The following TMEM230 variants were observed in gnomAD, a reference collection of about 807,000 sequenced individuals.
The protein encoded by TMEM230 is UPF0414 transmembrane protein C20orf30.
Under a neutral mutation model 15.8 loss-of-function variants are expected in TMEM230, and 10 were observed. The ratio of observed to expected loss-of-function variants is 0.63; its 90% CI spans 0.39 to 1.07. The LOEUF (loss-of-function observed/expected upper bound fraction) is 1.07. Among genes scored for constraint, TMEM230 ranks in the 50% least tolerant of loss-of-function variants. TMEM230 has a pLI of 0.01. For missense variants in TMEM230, 165 were observed against 193.3 expected, an observed-to-expected ratio of 0.85 and a Z score of 0.87; for synonymous variants, 67 against 76.9, an observed-to-expected ratio of 0.87 and a Z score of 0.68.
chr20:5,078,376 A>G (rs1199833459), intron 3 of TMEM230, among the ~76,000 whole-genome samples: 2 of 152,330 alleles, frequency 1.3e-5, no homozygotes, highest in East Asian at 3.9e-4. Context: ...CCTCTTTGGA[A>G]GCACAGATAC....
intron 3 of TMEM230, among the ~76,000 whole-genome samples, chr20:5,090,608 T>C (rs2089480720): frequency 6.6e-6 from 1 of 152,088 alleles, no homozygotes; most frequent in African/African-American, 2.4e-5. Flanking sequence ...CAAATAAACA[T>C]GATTATTAAC....
chr20:5,104,498 A>G (rs1174354688), intron 4 of TMEM230, among the ~76,000 whole-genome samples: 1 of 152,258 alleles, frequency 6.6e-6, no homozygotes, highest in Admixed American at 6.5e-5. Flanking sequence ...GAACTACCAT[A>G]TGATCCAGCA....
At chr20:5,109,494 T>A in intron 2 of TMEM230, 49 bp from the exon 2 acceptor site, 2 of 1,387,890 alleles carry the variant, frequency 1.4e-6, no homozygotes, top group Non-Finnish European at 2.0e-6. Flanking sequence ...ATGACAATGG[T>A]GCATTATAGC....
chr20:5,066,964 T>C (rs1469910170), downstream of TMEM230, among the ~76,000 whole-genome samples: 1 of 152,150 alleles, frequency 6.6e-6, no homozygotes, highest in Non-Finnish European at 1.5e-5. Flanking sequence ...GAAGCAATAT[T>C]CCACCGTCTT....
At chr20:5,066,881 G>T (rs2088662793), downstream of TMEM230, among the ~76,000 whole-genome samples, 1 of 151,878 alleles carries the variant, frequency 6.6e-6, no homozygotes, top group African/African-American at 2.4e-5. Flanking sequence ...CCACCCCTGG[G>T]GTCCTCAGCT....
At chr20:5,083,285 ATTTTTT>A (rs71197748) in intron 3 of TMEM230, among the ~76,000 whole-genome samples, 31 of 119,930 alleles carry the variant, frequency 2.6e-4, no homozygotes, top group Admixed American at 3.5e-4. Context: ...GGTTAGGGAG[ATTTTTT>A]TTTTTTTTTT....
chr20:5,108,647 C>T (rs1287589658), intron 3 of TMEM230, among the ~76,000 whole-genome samples: 1 of 152,068 alleles, frequency 6.6e-6, no homozygotes. Context: ...AATGTGGGTC[C>T]AAAGAGTAAT....
intron 3 of TMEM230, among the ~76,000 whole-genome samples, chr20:5,088,608 G>A (rs1336676246): frequency 1.3e-5 from 2 of 152,022 alleles, no homozygotes; most frequent in South Asian, 2.1e-4. Context: ...CACCTCCTGG[G>A]CTCAAGGATC....
intron 3 of TMEM230, among the ~76,000 whole-genome samples, chr20:5,072,466 G>A (rs759727080): frequency 3.7e-4 from 56 of 152,094 alleles, no homozygotes; most frequent in Non-Finnish European, 6.5e-4. Context: ...AACTCTCCCC[G>A]GCATCTTTCT....
chr20:5,099,192 A>C (rs1167096566), downstream of TMEM230, among the ~76,000 whole-genome samples: 2 of 54,962 alleles, frequency 3.6e-5, no homozygotes, highest in Non-Finnish European at 6.3e-5. Context: ...CTCTGTCTCA[A>C]AATAAATAAA....
chr20:5,060,155 T>A, the TMEM230 span, among the ~76,000 whole-genome samples: 15 of 151,836 alleles, frequency 9.9e-5, no homozygotes, highest in Non-Finnish European at 1.3e-4. Flanking sequence ...CAAACAATCC[T>A]CCCGCCTTGG....
At chr20:5,087,280 C>T (rs2089369195) in intron 3 of TMEM230, among the ~76,000 whole-genome samples, 1 of 152,138 alleles carries the variant, frequency 6.6e-6, no homozygotes, top group Admixed American at 6.5e-5. Flanking sequence ...CAACATGTAG[C>T]TGTTTCCCTC....
chr20:5,083,858 C>T (rs986270727), intron 3 of TMEM230, among the ~76,000 whole-genome samples: 3 of 152,082 alleles, frequency 2.0e-5, no homozygotes, highest in African/African-American at 7.3e-5. Context: ...ATCTTTTTCT[C>T]TCTCTTTTAT....
chr20:5,103,359 G>A (rs2089946205), intron 4 of TMEM230, among the ~76,000 whole-genome samples: 2 of 152,146 alleles, frequency 1.3e-5, no homozygotes, highest in African/African-American at 4.8e-5. Context: ...AGCTACTTGG[G>A]AAGCTGAGGT....
In TMEM230 at chr20:5,100,292, A is replaced by G. The variant is rs2089801683; in HGVS notation, c.*499T>C. The G allele has an allele frequency of 4.1e-6, 4 of 985,528 alleles. No individual in the cohort carries two copies. The highest frequency in any genetic ancestry group is 4.8e-6 in the Non-Finnish European group (4 of 830,006). The allele number at this position is 985,528 out of a possible 1,614,324, so 61.0% of individuals were successfully genotyped here. A position where few individuals can be genotyped will look rare whatever the true frequency, so the allele number is the denominator to read the frequency against. On this transcript the variant is annotated 3_prime_UTR_variant, in exon 5 of 5. Transcript: ENST00000342308. Reference sequence around the variant, plus strand: ...GCTGTCAGTAAGAAAGCAAGTAAAAAAAATATTACAGATGAACTCACTGAT... The same window carrying G: ...GCTGTCAGTAAGAAAGCAAGTAAAAGAAATATTACAGATGAACTCACTGAT...
chr20:5,088,233 C>A (rs1321168938), intron 3 of TMEM230, among the ~76,000 whole-genome samples: 1 of 147,476 alleles, frequency 6.8e-6, no homozygotes, highest in Admixed American at 6.9e-5. Context: ...TGCTTGAACC[C>A]GGGAGGCAGA....
chr20:5,069,935 C>T (rs952224141), intron 3 of TMEM230, among the ~76,000 whole-genome samples: 1 of 152,144 alleles, frequency 6.6e-6, no homozygotes. Context: ...GTCTTGAACT[C>T]CTGGCCTCAA....
In TMEM230 at chr20:5,083,310, T is replaced by C. The variant is rs1024055222; in HGVS notation, c.223-13961A>G. On this transcript the variant is annotated intron_variant, in intron 3 of 3. Coordinates refer to the TMEM230 transcript ENST00000612323. Reference sequence around the variant, plus strand: ...ATTTTTTTTTTTTTTTTTTTTTTTTTAGGAGCAGAGGTTTAATAGAAGAAA... The same window carrying C: ...ATTTTTTTTTTTTTTTTTTTTTTTTCAGGAGCAGAGGTTTAATAGAAGAAA... 4.5e-3 allele frequency among the ~76,000 whole-genome samples: 485 copies of C among 107,208 alleles called. 1 individual carries two copies. The highest frequency in any genetic ancestry group is 5.5e-3 in the Non-Finnish European group (295 of 53,530). The allele number at this position is 107,208 out of a possible 152,430, so 70.3% of individuals were successfully genotyped here.
intron 3 of TMEM230, among the ~76,000 whole-genome samples, chr20:5,089,209 C>A (rs1323351043): frequency 6.6e-6 from 1 of 151,992 alleles, no homozygotes; most frequent in East Asian, 1.9e-4. Context: ...CCTGTCTCTA[C>A]TAAAAATACA....
Sources: allele counts gnomAD v4.1 joint callset (sites outside exome capture counted in the v4.1 genomes callset), GRCh38; gene constraint gnomAD v4.1.1; transcripts MANE v1.5; gene names NCBI Gene and HGNC (gene_info 2026-07-23, HGNC 2026-07-21).